Variants in CATSPERE observed in about 807,000 individuals in gnomAD.
The protein encoded by CATSPERE is cation channel sperm-associated auxiliary subunit epsilon.
CATSPERE carries 93 observed loss-of-function variants against 114.1 expected under a neutral mutation model. That is an observed-to-expected ratio of 0.81 (90% CI 0.69 to 0.97). CATSPERE has a LOEUF of 0.97. Ranked by LOEUF, CATSPERE falls within the 50% of genes least tolerant of loss-of-function variation. CATSPERE has a pLI of 0.00. For missense variants in CATSPERE, 1,058 were observed against 1,131.6 expected (o/e 0.93, Z 0.93); for synonymous variants, 341 against 384.1 (o/e 0.89, Z 1.31).
At chr1:244,576,746 C>G (rs967858713) in intron 11 of CATSPERE, among the ~76,000 whole-genome samples, 3 of 152,068 alleles carry the variant, frequency 2.0e-5, no homozygotes, top group Admixed American at 6.5e-5. Flanking sequence ...CCCCACCTTC[C>G]ATTTCTAGGC....
chr1:244,570,183 T>A (rs1455907302), intron 10 of CATSPERE, among the ~76,000 whole-genome samples: 1 of 152,170 alleles, frequency 6.6e-6, no homozygotes, highest in African/African-American at 2.4e-5. Flanking sequence ...AGTTCTTGTC[T>A]TTCTAGGAAA....
chr1:244,581,813 G>T lies in CATSPERE; in HGVS notation c.1968G>T (p.Gln656His). The change falls in exon 12 of 22, where the codon CAG becomes CAT. Residue 656 changes from glutamine to histidine, a missense_variant. Physicochemically the swap from Gln to His is conservative, Grantham distance 24 (BLOSUM62 0). Coordinates refer to ENST00000366534, the MANE Select transcript of CATSPERE (RefSeq NM_001130957.2). ...TTTTTCAGACACTAACATTTTATCA[G>T]AATGTAGATTATGAGAGAATATCTG... ...CTKTLTLTFY[Q>H]NVDYERISDY... 7.4e-7 allele frequency: 1 copy of T among 1,342,298 alleles called. No individual in the cohort carries two copies. The highest frequency in any genetic ancestry group is 1.0e-6 in the Non-Finnish European group (1 of 961,030). The allele number at this position is 1,342,298 out of a possible 1,614,324, so 83.1% of individuals were successfully genotyped here. A position where few individuals can be genotyped will look rare whatever the true frequency, so the allele number is the denominator to read the frequency against.
At chr1:244,453,881 T>TG (rs1222690911), upstream of CATSPERE, among the ~76,000 whole-genome samples, 3 of 152,058 alleles carry the variant, frequency 2.0e-5, no homozygotes, top group East Asian at 1.9e-4. Flanking sequence ...GTTCGGCTCC[T>TG]GGGGGGGTCT....
intron 20 of CATSPERE, among the ~76,000 whole-genome samples, chr1:244,622,652 G>A (rs1024941929): frequency 1.3e-5 from 2 of 152,016 alleles, no homozygotes; most frequent in African/African-American, 2.4e-5. Context: ...TGAGCTCTTA[G>A]CAATCTCTAT....
At chr1:244,626,683 C>A in intron 20 of CATSPERE, among the ~76,000 whole-genome samples, 1 of 152,108 alleles carries the variant, frequency 6.6e-6, no homozygotes, top group East Asian at 1.9e-4. Context: ...CAGATGGCTT[C>A]TTTCCTTAAA....
intron 6 of CATSPERE, among the ~76,000 whole-genome samples, chr1:244,496,321 C>A (rs1014666769): frequency 6.6e-6 from 1 of 152,138 alleles, no homozygotes; most frequent in Non-Finnish European, 1.5e-5. Context: ...AAGAATGAGT[C>A]CTTGCTAGGT....
chr1:244,583,295 G>A (rs896149677), intron 12 of CATSPERE, among the ~76,000 whole-genome samples: 11 of 151,880 alleles, frequency 7.2e-5, no homozygotes, highest in African/African-American at 2.7e-4. Flanking sequence ...TAGCCCTCAC[G>A]TTTTGCCTGA....
In CATSPERE at chr1:244,583,948, C is replaced by A. The variant is rs1472472430; in HGVS notation, c.2085+9C>A. ...GTCCAATAGCCCAAAAGGTAAGCGA[C>A]ATGGGCTGAAGACCCAAATATTTCA... On this transcript the variant is annotated intron_variant, in intron 13 of 21. Transcript: ENST00000366534. 1.2e-6 allele frequency: 2 copies of A among 1,613,464 alleles called. No individual in the cohort carries two copies. The highest frequency in any genetic ancestry group is 3.3e-5 in the Admixed American group (2 of 59,996).
At chr1:244,557,848 G>C (rs1395651813) in intron 9 of CATSPERE, among the ~76,000 whole-genome samples, 1 of 151,490 alleles carries the variant, frequency 6.6e-6, no homozygotes. Flanking sequence ...GATCTCAGAT[G>C]ACCTGCTCGT....
intron 5 of CATSPERE, among the ~76,000 whole-genome samples, chr1:244,484,124 GGGCT>G (rs1373820149): frequency 6.6e-6 from 1 of 151,858 alleles, no homozygotes; most frequent in African/African-American, 2.4e-5. Flanking sequence ...GTGTTTCTCT[GGGCT>G]GGCTGTTCTG....
intron 17 of CATSPERE, among the ~76,000 whole-genome samples, chr1:244,601,032 AAT>A (rs1291129785): frequency 6.6e-6 from 1 of 152,212 alleles, no homozygotes; most frequent in Non-Finnish European, 1.5e-5. Flanking sequence ...AAAGAGGAAA[AAT>A]AAAATAGAAA....
intron 7 of CATSPERE, among the ~76,000 whole-genome samples, chr1:244,512,393 T>G (rs557511985): frequency 2.0e-5 from 3 of 152,308 alleles, no homozygotes; most frequent in African/African-American, 7.2e-5. Flanking sequence ...TTTGACCTTT[T>G]TCTTTAATAT....
rs548776287 is a variant in CATSPERE at position 244,554,963 on chromosome 1, G to T, written c.1029+2149G>T. ...ATGGGATTTATACCAGCAATGTAAG[G>T]ATAATTTGACATACACAAATCAATA... is the stretch of plus-strand genomic sequence containing the variant. On this transcript the variant is annotated intron_variant, in intron 9 of 21. Coordinates refer to ENST00000366534, the MANE Select transcript of CATSPERE (RefSeq NM_001130957.2). Among the ~76,000 whole-genome samples the T allele has an allele frequency of 3.5e-4, 54 of 152,270 alleles. 1 individual carries two copies. The highest frequency in any genetic ancestry group is 1.1e-3 in the African/African-American group (44 of 41,544).
chr1:244,612,916 G>A (rs1670926995), intron 19 of CATSPERE, among the ~76,000 whole-genome samples: 1 of 152,160 alleles, frequency 6.6e-6, no homozygotes. Flanking sequence ...GGCGGGAGAG[G>A]GGGAAGTTTT....
chr1:244,460,845 C>T (rs1256170475), upstream of CATSPERE, among the ~76,000 whole-genome samples: 2 of 152,212 alleles, frequency 1.3e-5, no homozygotes, highest in Non-Finnish European at 2.9e-5. Context: ...ACGCCGGAGG[C>T]GGAGGTTGCA....
chr1:244,634,819 C>T (rs1387377960), intron 20 of CATSPERE, among the ~76,000 whole-genome samples: 1 of 152,236 alleles, frequency 6.6e-6, no homozygotes, highest in African/African-American at 2.4e-5. Flanking sequence ...TGGCATGCCG[C>T]CTAGTACATA....
intron 11 of CATSPERE, 98 bp downstream of exon 11, chr1:244,572,870 G>A (rs1664672387): frequency 5.1e-6 from 4 of 783,354 alleles, no homozygotes; most frequent in Middle Eastern, 3.9e-4. Flanking sequence ...GGCTCAGCTG[G>A]GAAAATGTTG....
intron 20 of CATSPERE, among the ~76,000 whole-genome samples, chr1:244,622,140 C>G (rs1376757248): frequency 1.3e-5 from 2 of 152,140 alleles, no homozygotes; most frequent in Admixed American, 6.5e-5. Context: ...TTTATGGTGG[C>G]AGAGTTTACC....
At position 244,581,838 on chromosome 1, in the gene CATSPERE, G is replaced by T. The variant is rs750416545; in HGVS notation, c.1993G>T (p.Asp665Tyr). 5 of 1,315,238 alleles carry T rather than the reference G, an allele frequency of 3.8e-6. No individual in the cohort carries two copies. The highest frequency in any genetic ancestry group is 3.8e-5 in the South Asian group (3 of 78,954). The allele number at this position is 1,315,238 out of a possible 1,614,324, so 81.5% of individuals were successfully genotyped here. A position where few individuals can be genotyped will look rare whatever the true frequency, so the allele number is the denominator to read the frequency against. Residue 665 changes from aspartate to tyrosine, a missense_variant, in exon 12 of 22, where the codon GAT becomes TAT. Around this residue, in one of 2 missense-constraint regions of CATSPERE, gnomAD observed 787 missense variants for 905.6 expected, o/e 0.87. Transcript: ENST00000366534. ...GAATGTAGATTATGAGAGAATATCT[G>T]ATTACTTTGAGACACAGTAAGTATA... ...YQNVDYERIS[D>Y]YFETQDKHTG...
Sources: allele counts gnomAD v4.1 joint callset (sites outside exome capture counted in the v4.1 genomes callset), GRCh38; gene constraint gnomAD v4.1.1; regional missense constraint gnomAD v4.1.1; transcripts MANE v1.5; gene names NCBI Gene and HGNC (gene_info 2026-07-23, HGNC 2026-07-21).